Variants in MYO3B observed in about 807,000 individuals in gnomAD.
MYO3B encodes myosin IIIB, also known as myosin-IIIb.
MYO3B carries 156 observed loss-of-function variants against 174.6 expected under a neutral mutation model. The observed-to-expected ratio is 0.89, with a 90% confidence interval of 0.78 to 1.02. The LOEUF (loss-of-function observed/expected upper bound fraction) is 1.02, where lower values mean the gene tolerates loss of function less well. Among genes scored for constraint, MYO3B ranks in the 50% least tolerant of loss-of-function variants. MYO3B has a pLI of 0.00. For synonymous variants in MYO3B, 563 were observed against 569.1 expected (o/e 0.99, Z 0.15); for missense variants, 1,632 against 1,639.4 (o/e 1.00, Z 0.08).
chr2:170,632,685 G>A (rs980303312), intron 32 of MYO3B, among the ~76,000 whole-genome samples: 3 of 152,060 alleles, frequency 2.0e-5, no homozygotes, highest in Admixed American at 6.6e-5. Flanking sequence ...AAAAACCAAC[G>A]AATCCAGGAG....
chr2:170,266,710 G>C (rs1028386507), intron 7 of MYO3B, among the ~76,000 whole-genome samples: 1 of 152,150 alleles, frequency 6.6e-6, no homozygotes, highest in African/African-American at 2.4e-5. Flanking sequence ...CTCATCTGTG[G>C]GGTCAAAAGT....
chr2:170,567,463 A>C (rs1192489914), intron 32 of MYO3B, among the ~76,000 whole-genome samples: 1 of 152,244 alleles, frequency 6.6e-6, no homozygotes, highest in East Asian at 1.9e-4. Context: ...TTTGGACCTA[A>C]AAGTATGACA....
chr2:170,644,776 C>T (rs1224744143), intron 32 of MYO3B: 1 of 152,220 alleles, frequency 6.6e-6, no homozygotes, highest in African/African-American at 2.4e-5. Flanking sequence ...CACAGTGTGA[C>T]AGTTTGGGAT....
chr2:170,613,408 A>C lies in MYO3B; in HGVS notation c.3734-38220A>C, dbSNP rs770350401. On this transcript the variant is annotated intron_variant, in intron 32 of 34. Coordinates refer to ENST00000408978, the MANE Select transcript of MYO3B (RefSeq NM_138995.5). ...AGTCCTTCCATCCTCTACCCAGAGC[A>C]TCCAAGCTCCACATTAATCCTTCCT... Among the ~76,000 whole-genome samples, 184 of 152,316 alleles carry C rather than the reference A, an allele frequency of 1.2e-3. 1 individual carries two copies. The highest frequency in any genetic ancestry group is 1.2e-3 in the Non-Finnish European group (79 of 68,024).
At chr2:170,307,609 C>A (rs1309204382) in intron 7 of MYO3B, among the ~76,000 whole-genome samples, 1 of 152,122 alleles carries the variant, frequency 6.6e-6, no homozygotes, top group Non-Finnish European at 1.5e-5. Flanking sequence ...AAAATTGAGG[C>A]TCTGCCCAGG....
intron 7 of MYO3B, among the ~76,000 whole-genome samples, chr2:170,293,048 G>A (rs1463317031): frequency 6.6e-6 from 1 of 152,092 alleles, no homozygotes; most frequent in African/African-American, 2.4e-5. Context: ...AGGGGGAGAG[G>A]CCTCAAGGAT....
intron 5 of MYO3B, among the ~76,000 whole-genome samples, chr2:170,216,430 A>T (rs116607839): frequency 2.5e-3 from 382 of 152,300 alleles, no homozygotes; most frequent in African/African-American, 8.9e-3. Context: ...AAAGATGAAA[A>T]AACTGAGGCT....
At chr2:170,482,084 T>C (rs539320293) in intron 25 of MYO3B, among the ~76,000 whole-genome samples, 10 of 152,184 alleles carry the variant, frequency 6.6e-5, no homozygotes, top group African/African-American at 2.2e-4. Flanking sequence ...TCCCTTGTTG[T>C]TGTAGTGATA....
intron 8 of MYO3B, chr2:170,347,950 A>T (rs565484975): frequency 6.6e-6 from 1 of 152,262 alleles, no homozygotes; most frequent in South Asian, 2.1e-4. Flanking sequence ...TGCTAGATTT[A>T]CCTATTTTGG....
At chr2:170,562,017 A>C (rs1168580991) in intron 32 of MYO3B, among the ~76,000 whole-genome samples, 1 of 152,152 alleles carries the variant, frequency 6.6e-6, no homozygotes, top group East Asian at 1.9e-4. Context: ...TTATTGCTCC[A>C]TCATCTTAAT....
At chr2:170,260,184 G>A (rs1045161106) in intron 7 of MYO3B, among the ~76,000 whole-genome samples, 10 of 152,140 alleles carry the variant, frequency 6.6e-5, no homozygotes, top group South Asian at 2.1e-4. Flanking sequence ...AAAGAAGAAC[G>A]ACCATTCAAC....
At chr2:170,490,235 A>G (rs1038395470) in intron 25 of MYO3B, among the ~76,000 whole-genome samples, 2 of 151,982 alleles carry the variant, frequency 1.3e-5, no homozygotes, top group South Asian at 2.1e-4. Flanking sequence ...TCACCATGTT[A>G]GCCAGGATGG....
At chr2:170,453,543 C>A (rs1319989292) in intron 23 of MYO3B, among the ~76,000 whole-genome samples, 1 of 151,802 alleles carries the variant, frequency 6.6e-6, no homozygotes, top group Admixed American at 6.6e-5. Flanking sequence ...ATACCAGGTA[C>A]CAGGTTTCTG....
intron 16 of MYO3B, among the ~76,000 whole-genome samples, chr2:170,396,211 G>T (rs755096338): frequency 2.0e-5 from 3 of 152,206 alleles, no homozygotes; most frequent in Non-Finnish European, 4.4e-5. Context: ...AGGCAGAGAT[G>T]CCAGGAAAGG....
chr2:170,578,007 G>C (rs1392903660), intron 32 of MYO3B, among the ~76,000 whole-genome samples: 1 of 152,182 alleles, frequency 6.6e-6, no homozygotes, highest in African/African-American at 2.4e-5. Flanking sequence ...TGCACACACA[G>C]GTATGTTTTT....
At chr2:170,453,409 TACACACACACACACACACAC>T (rs35558091) in intron 23 of MYO3B, among the ~76,000 whole-genome samples, 1 of 131,200 alleles carries the variant, frequency 7.6e-6, no homozygotes, top group African/African-American at 3.0e-5. Context: ...GTTTACCATT[TACACACACACACACACACAC>T]ACACACACAC....
rs920832379 is a variant in MYO3B at position 170,570,264 on chromosome 2, A to G, written c.3733+26276A>G. The stretch of plus-strand genomic sequence containing the variant: ...TGCTGTAACAAGACTAAGTAAGGAA[A>G]TGATGTTTAGAGGGAAAGGAGACTT... On this transcript the variant is annotated intron_variant, in intron 32 of 34. Coordinates refer to ENST00000408978, the MANE Select transcript of MYO3B (RefSeq NM_138995.5). Among the ~76,000 whole-genome samples, 24 of 152,222 alleles carry G rather than the reference A, an allele frequency of 1.6e-4. 1 individual carries two copies. Among genetic ancestry groups the G allele is most frequent in the Admixed American group, 1.4e-3 (22 of 15,292 alleles).
intron 6 of MYO3B, among the ~76,000 whole-genome samples, chr2:170,228,492 G>A (rs2092977202): frequency 6.6e-6 from 1 of 152,134 alleles, no homozygotes; most frequent in Non-Finnish European, 1.5e-5. Flanking sequence ...ACGAAATTTG[G>A]ACATGCTAGG....
At chr2:170,393,724 T>A (rs1282137723) in intron 16 of MYO3B, among the ~76,000 whole-genome samples, 1 of 152,194 alleles carries the variant, frequency 6.6e-6, no homozygotes, top group African/African-American at 2.4e-5. Context: ...TGGTTGATTT[T>A]AATCATAATA....
Sources: allele counts gnomAD v4.1 joint callset (sites outside exome capture counted in the v4.1 genomes callset), GRCh38; gene constraint gnomAD v4.1.1; transcripts MANE v1.5; gene names NCBI Gene and HGNC (gene_info 2026-07-23, HGNC 2026-07-21).